The following AP4E1 variants were observed in gnomAD, a reference collection of about 807,000 sequenced individuals.
The protein encoded by AP4E1 is adaptor related protein complex 4 subunit epsilon 1, also known as AP-4 complex subunit epsilon-1.
A neutral mutation model predicts 128.2 loss-of-function variants in AP4E1; 56 were observed. That is an observed-to-expected ratio of 0.44 (90% CI 0.35 to 0.55). The LOEUF is 0.55. Ranked by LOEUF, AP4E1 falls within the 20% of genes least tolerant of loss-of-function variation. AP4E1 has a pLI of 0.00. For synonymous variants in AP4E1, 484 were observed against 473.1 expected, an observed-to-expected ratio of 1.02 and a Z score of -0.30; for missense variants, 1,324 against 1,307.7, an observed-to-expected ratio of 1.01 and a Z score of -0.19.
intron 15 of AP4E1, 46 bp from the exon 16 acceptor site, chr15:50,983,976 T>C (rs761770392): frequency 6.3e-7 from 1 of 1,593,574 alleles, no homozygotes; most frequent in Admixed American, 1.7e-5. Flanking sequence ...GACAGTTTTT[T>C]GCTTTGTTTT....
chr15:50,937,295 GAA>G (rs1006721824), intron 8 of AP4E1, among the ~76,000 whole-genome samples: 2 of 152,096 alleles, frequency 1.3e-5, no homozygotes, highest in African/African-American at 4.8e-5. Flanking sequence ...TGAATTAAAG[GAA>G]GAAGAAGTTA....
chr15:50,916,795 C>T (rs2063636261), intron 3 of AP4E1, among the ~76,000 whole-genome samples: 2 of 152,180 alleles, frequency 1.3e-5, no homozygotes, highest in African/African-American at 4.8e-5. Context: ...AATTTTATTT[C>T]TCCTGTGATC....
In AP4E1 at chr15:50,908,744, C is replaced by T. The variant is rs566703744; in HGVS notation, c.-35C>T. The T allele has an allele frequency of 6.0e-6, 9 of 1,498,876 alleles. No individual in the cohort carries two copies. The highest frequency in any genetic ancestry group is 4.6e-5 in the Admixed American group (2 of 43,046). 92.8% of individuals were successfully genotyped at this position (1,498,876 alleles called of 1,614,324 possible). A position where few individuals can be genotyped will look rare whatever the true frequency, so the allele number is the denominator to read the frequency against. ...GCATGAAGCCGGGCGGCTACGGGAT[C>T]GCGGGCGGCGGCGGCATCGCGGGCG... On this transcript the variant is annotated 5_prime_UTR_variant, in exon 1 of 21. Transcript: ENST00000261842.
intron 5 of AP4E1, among the ~76,000 whole-genome samples, chr15:50,926,293 T>C (rs2063769129): frequency 6.6e-6 from 1 of 151,904 alleles, no homozygotes; most frequent in African/African-American, 2.4e-5. Context: ...CACGCCACCA[T>C]GCCCAGCTAA....
chr15:50,964,896 G>A (rs557398707), intron 14 of AP4E1, among the ~76,000 whole-genome samples: 5 of 151,344 alleles, frequency 3.3e-5, no homozygotes, highest in East Asian at 2.0e-4. Flanking sequence ...TGCTGTCCTC[G>A]TGATAGAGAG....
intron 15 of AP4E1, 100 bp from the exon 16 acceptor site, chr15:50,983,922 A>G (rs769402872): frequency 2.7e-5 from 32 of 1,206,992 alleles, no homozygotes; most frequent in Admixed American, 3.8e-5. Context: ...AAAAATGGCT[A>G]TTAGTTCCAG....
chr15:50,994,831 CATT>C (rs1242324621), intron 17 of AP4E1, among the ~76,000 whole-genome samples: 1 of 152,156 alleles, frequency 6.6e-6, no homozygotes, highest in Non-Finnish European at 1.5e-5. Flanking sequence ...CTTAGGAGAA[CATT>C]CAGGGTGATA....
At chr15:50,913,120 G>A (rs941144872) in intron 2 of AP4E1, among the ~76,000 whole-genome samples, 2 of 152,122 alleles carry the variant, frequency 1.3e-5, no homozygotes, top group Non-Finnish European at 2.9e-5. Context: ...ACATGATTGT[G>A]AATTTGAATA....
upstream of AP4E1, chr15:50,908,507 G>A (rs572704481): frequency 8.4e-5 from 32 of 381,072 alleles, no homozygotes; most frequent in South Asian, 1.6e-3. Context: ...GGTTCTGGGG[G>A]ATTCCGGAAC....
intron 17 of AP4E1, among the ~76,000 whole-genome samples, chr15:50,994,886 G>A (rs12906866): frequency 0.48 from 73,006 of 152,002 alleles, 17,846 homozygotes; most frequent in East Asian, 0.59. Flanking sequence ...AATATTATTA[G>A]GATGTTTTTT....
At chr15:50,965,207 A>G (rs568521155) in intron 14 of AP4E1, among the ~76,000 whole-genome samples, 2 of 152,294 alleles carry the variant, frequency 1.3e-5, no homozygotes, top group Non-Finnish European at 2.9e-5. Context: ...CAGTGCAAGA[A>G]CGGACTAATA....
chr15:50,920,969 A>C lies in AP4E1; in HGVS notation c.347-2962A>C, dbSNP rs550890791. ...GCCCGCCTGCCATCACACCCGGCTA[A>C]TTTTTTTATTTTTGGTAGAAACAGG... On this transcript the variant is annotated intron_variant, in intron 3 of 20. Transcript: ENST00000261842. Among the ~76,000 whole-genome samples the C allele has an allele frequency of 4.0e-5, 6 of 151,520 alleles. No homozygotes were observed. The South Asian group carries it at 1.3e-3, about 32-fold the overall frequency.
At position 50,997,778 on chromosome 15, in the gene AP4E1, A is replaced by T; in HGVS notation, c.2799A>T (p.Lys933Asn). ...NNETISVSSY[K>N]IWKDDCLLMV... ...AAACTATATCAGTGTCTTCTTATAA[A>T]ATTTGGAAAGATGATTGTTTATTGA... Residue 933 changes from lysine to asparagine, a missense_variant, in exon 18 of 21, where the codon AAA (lysine) becomes AAT (asparagine). Lys to Asn is a moderately conservative substitution (Grantham distance 94). Coordinates refer to ENST00000261842, the MANE Select transcript of AP4E1 (RefSeq NM_007347.5). 2 of 1,610,208 alleles carry T rather than the reference A, an allele frequency of 1.2e-6. No individual in the cohort carries two copies. The highest frequency in any genetic ancestry group is 1.7e-6 in the Non-Finnish European group (2 of 1,177,750).
intron 5 of AP4E1, 49 bp downstream of exon 5, chr15:50,925,268 A>G: frequency 2.5e-6 from 4 of 1,582,116 alleles, no homozygotes; most frequent in African/African-American, 2.7e-5. Flanking sequence ...ATTTCAAAAC[A>G]GAAGTTTATG....
At chr15:50,946,114 GC>G in intron 10 of AP4E1, 1 of 547,660 alleles carries the variant, frequency 1.8e-6, no homozygotes, top group Non-Finnish European at 3.2e-6. Context: ...CATGTGTAGA[GC>G]TTTATTGTTG....
chr15:50,930,248 G>T, intron 6 of AP4E1, among the ~76,000 whole-genome samples: 1 of 136,288 alleles, frequency 7.3e-6, no homozygotes, highest in Non-Finnish European at 1.5e-5. Flanking sequence ...GGTATTTTTA[G>T]TAGAACCAGG....
intron 15 of AP4E1, among the ~76,000 whole-genome samples, chr15:50,982,248 G>A (rs1306328527): frequency 6.6e-6 from 1 of 152,090 alleles, no homozygotes; most frequent in Non-Finnish European, 1.5e-5. Flanking sequence ...TATAAGCCAA[G>A]TAAATTTCTG....
chr15:50,927,091 T>G (rs1322149753), intron 5 of AP4E1, among the ~76,000 whole-genome samples: 1 of 152,238 alleles, frequency 6.6e-6, no homozygotes, highest in Non-Finnish European at 1.5e-5. Flanking sequence ...GTGATCTGAT[T>G]ATAAAAGCAG....
At chr15:50,940,081 G>A (rs1257360431) in intron 8 of AP4E1, among the ~76,000 whole-genome samples, 1 of 152,138 alleles carries the variant, frequency 6.6e-6, no homozygotes, top group African/African-American at 2.4e-5. Context: ...TGGATTTAGT[G>A]GCAGTTTCTC....
Sources: allele counts gnomAD v4.1 joint callset (sites outside exome capture counted in the v4.1 genomes callset), GRCh38; gene constraint gnomAD v4.1.1; transcripts MANE v1.5; gene names NCBI Gene and HGNC (gene_info 2026-07-23, HGNC 2026-07-21).